Variants in ALPK2 observed in about 807,000 individuals in gnomAD.
ALPK2 encodes the protein alpha-protein kinase 2.
In ALPK2, 127 loss-of-function variants were observed where a neutral mutation model predicts 163.1. The observed-to-expected ratio is 0.78, with a 90% CI of 0.67 to 0.90. ALPK2 has a LOEUF of 0.90. ALPK2 is among the 40% of genes least tolerant of loss of function. The probability of loss-of-function intolerance (pLI) is 0.00; values close to 1 mark genes in which losing one functional copy is unlikely to be tolerated. For missense variants in ALPK2, 2,360 were observed against 2,589.6 expected, an observed-to-expected ratio of 0.91 and a Z score of 1.92; for synonymous variants, 953 against 959.1, an observed-to-expected ratio of 0.99 and a Z score of 0.12.
intron 11 of ALPK2, among the ~76,000 whole-genome samples, chr18:58,499,662 G>A (rs897807754): frequency 6.6e-6 from 1 of 152,236 alleles, no homozygotes; most frequent in African/African-American, 2.4e-5. Context: ...ATGGCCCATA[G>A]TGCCACCCCA....
chr18:58,549,501 G>A (rs2051738424), intron 4 of ALPK2, among the ~76,000 whole-genome samples: 1 of 152,202 alleles, frequency 6.6e-6, no homozygotes, highest in African/African-American at 2.4e-5. Context: ...CAAGGAGGAG[G>A]AAACATCTGG....
At chr18:58,498,868 T>C (rs1166159082) in intron 11 of ALPK2, among the ~76,000 whole-genome samples, 1 of 152,230 alleles carries the variant, frequency 6.6e-6, no homozygotes, top group African/African-American at 2.4e-5. Context: ...CTCTTTTTCT[T>C]TGTAAATTAC....
intron 3 of ALPK2, among the ~76,000 whole-genome samples, chr18:58,594,590 C>G (rs1446386134): frequency 6.6e-6 from 1 of 152,126 alleles, no homozygotes; most frequent in Non-Finnish European, 1.5e-5. Flanking sequence ...CACAAATGTC[C>G]CTAGCCACAG....
At chr18:58,599,723 A>C (rs1391522353) in intron 3 of ALPK2, among the ~76,000 whole-genome samples, 4 of 152,194 alleles carry the variant, frequency 2.6e-5, no homozygotes, top group Non-Finnish European at 5.9e-5. Context: ...AAAGCACCTG[A>C]AATAGCTATT....
At chr18:58,511,079 A>G (rs2051487736) in intron 10 of ALPK2, among the ~76,000 whole-genome samples, 1 of 152,184 alleles carries the variant, frequency 6.6e-6, no homozygotes, top group Admixed American at 6.5e-5. Context: ...TAATTTATTG[A>G]GAGTTTTTAG....
At chr18:58,599,321 A>G (rs2052057139) in intron 3 of ALPK2, among the ~76,000 whole-genome samples, 1 of 152,222 alleles carries the variant, frequency 6.6e-6, no homozygotes, top group Non-Finnish European at 1.5e-5. Context: ...GGTCTGAGTC[A>G]TGGCCCTGAT....
At chr18:58,513,698 G>C (rs2051506395) in intron 10 of ALPK2, among the ~76,000 whole-genome samples, 1 of 152,182 alleles carries the variant, frequency 6.6e-6, no homozygotes, top group Non-Finnish European at 1.5e-5. Context: ...GCAACATACA[G>C]AGACCCTGTC....
At chr18:58,569,134 A>G (rs1471121955) in intron 4 of ALPK2, among the ~76,000 whole-genome samples, 1 of 152,116 alleles carries the variant, frequency 6.6e-6, no homozygotes, top group Admixed American at 6.5e-5. Context: ...GGATCACCTG[A>G]GGTCCAGGCT....
intron 6 of ALPK2, among the ~76,000 whole-genome samples, chr18:58,528,379 A>G (rs902859823): frequency 6.6e-6 from 1 of 151,998 alleles, no homozygotes; most frequent in Non-Finnish European, 1.5e-5. Context: ...TAAAAATACA[A>G]AAGAAAATTA....
rs1181426616 is a variant in ALPK2, at chr18:58,523,999, G to C, written c.5565C>G (p.Leu1855=). The C allele has an allele frequency of 6.2e-7, 1 of 1,614,168 alleles. No homozygotes were observed. The highest frequency in any genetic ancestry group is 1.1e-5 in the South Asian group (1 of 91,082). ...IVQASPKDQG[L]YYCCIKNSYG... ...AGCTGTTCTTGATGCAGCAGTAATA[G>C]AGTCCCTGGTCCTTCGGACTGGCTT... The change falls in exon 7 of 13, where the codon CTC becomes CTG. Residue 1855 remains leucine, a synonymous_variant. Coordinates refer to ENST00000361673, the MANE Select transcript of ALPK2 (RefSeq NM_052947.4).
chr18:58,611,719 A>G lies in ALPK2; in HGVS notation c.79T>C (p.Ser27Pro), dbSNP rs1323727410. The change falls in exon 2 of 13, where the codon TCA becomes CCA. Residue 27 changes from serine (S) to proline (P), a missense_variant. Coordinates refer to ENST00000361673, the MANE Select transcript of ALPK2 (RefSeq NM_052947.4). ...TLLSQKVPEK[S>P]DAVLRCIISG... ...ATTATGCAGCGAAGCACAGCGTCTG[A>G]CTTCTCAGGAACCTTCTGGGAAAGC... The G allele has an allele frequency of 1.2e-6, 2 of 1,613,076 alleles. No individual in the cohort carries two copies. The highest frequency in any genetic ancestry group is 1.7e-6 in the Non-Finnish European group (2 of 1,179,598).
At chr18:58,607,881 T>G (rs2052106844) in intron 2 of ALPK2, among the ~76,000 whole-genome samples, 1 of 152,226 alleles carries the variant, frequency 6.6e-6, no homozygotes, top group Non-Finnish European at 1.5e-5. Flanking sequence ...AATTTGTAGG[T>G]TTTTATCCAA....
chr18:58,496,078 T>C (rs995651478), intron 12 of ALPK2, among the ~76,000 whole-genome samples: 2 of 152,180 alleles, frequency 1.3e-5, no homozygotes, highest in Non-Finnish European at 2.9e-5. Flanking sequence ...GGATCAATGC[T>C]AAAGCGTATG....
Position 58,535,807 on chromosome 18 carries a change from G to T in ALPK2, c.4380C>A (p.Thr1460=). 1 of 1,614,212 alleles carries T rather than the reference G, an allele frequency of 6.2e-7. No homozygotes were observed. Among genetic ancestry groups the T allele is most frequent in the African/African-American group, 1.3e-5 (1 of 75,058 alleles). The change falls in exon 5 of 13, where the codon ACC becomes ACA. Residue 1460 remains threonine, a synonymous_variant. Coordinates refer to ENST00000361673, the MANE Select transcript of ALPK2 (RefSeq NM_052947.4). Reference sequence around the variant, plus strand: ...TGCTGATTCTATTTTCACTCAGAATGGTTCCCTGGAGACATGGAACTTGCA... The same window carrying T: ...TGCTGATTCTATTTTCACTCAGAATTGTTCCCTGGAGACATGGAACTTGCA... ...AILQVPCLQG[T]ILSENRISRS... is the part of the protein sequence containing the mutation.
At chr18:58,601,545 C>G (rs1362971237) in intron 3 of ALPK2, among the ~76,000 whole-genome samples, 2 of 152,170 alleles carry the variant, frequency 1.3e-5, no homozygotes, top group Admixed American at 6.5e-5. Context: ...GGGTGGAACT[C>G]ATGAGGCCCT....
chr18:58,559,886 T>A (rs1422836980), intron 4 of ALPK2, among the ~76,000 whole-genome samples: 1 of 152,236 alleles, frequency 6.6e-6, no homozygotes, highest in Non-Finnish European at 1.5e-5. Flanking sequence ...CTACTCTGTC[T>A]GTTTCTGATA....
At chr18:58,562,210 T>A (rs2051828908) in intron 4 of ALPK2, among the ~76,000 whole-genome samples, 1 of 152,202 alleles carries the variant, frequency 6.6e-6, no homozygotes, top group Non-Finnish European at 1.5e-5. Context: ...ATATAGTACT[T>A]GGAACACACA....
intron 1 of ALPK2, among the ~76,000 whole-genome samples, chr18:58,626,972 T>C (rs954523634): frequency 6.6e-6 from 1 of 152,208 alleles, no homozygotes; most frequent in Non-Finnish European, 1.5e-5. Flanking sequence ...TAGGTATATT[T>C]ATTCATCTAA....
intron 1 of ALPK2, among the ~76,000 whole-genome samples, chr18:58,613,465 C>T (rs983922567): frequency 2.0e-4 from 30 of 152,006 alleles, no homozygotes; most frequent in African/African-American, 6.8e-4. Context: ...GAGGCTGAGG[C>T]GGGCGGATCA....
Sources: allele counts gnomAD v4.1 joint callset (sites outside exome capture counted in the v4.1 genomes callset), GRCh38; gene constraint gnomAD v4.1.1; transcripts MANE v1.5; gene names NCBI Gene and HGNC (gene_info 2026-07-23, HGNC 2026-07-21).